The following EPM2A variants were observed in gnomAD, a reference collection of about 807,000 sequenced individuals.
EPM2A encodes laforin.
EPM2A carries 21 observed loss-of-function variants against 26.5 expected under a neutral mutation model. That is an observed-to-expected ratio of 0.79 (90% CI 0.56 to 1.14). The LOEUF (loss-of-function observed/expected upper bound fraction) is 1.14, where lower values mean the gene tolerates loss of function less well. EPM2A is among the 50% of genes most tolerant of loss of function. The pLI is 0.00. For synonymous variants in EPM2A, 217 were observed against 177.6 expected, an observed-to-expected ratio of 1.22 and a Z score of -1.76; for missense variants, 458 against 440.8, an observed-to-expected ratio of 1.04 and a Z score of -0.35.
intron 4 of EPM2A, among the ~76,000 whole-genome samples, chr6:145,466,994 G>A (rs1399043861): frequency 6.6e-6 from 1 of 152,128 alleles, no homozygotes; most frequent in East Asian, 1.9e-4. Context: ...GGACTCTTGT[G>A]GGGCGGTGGG....
chr6:145,491,239 G>A (rs1378742845), intron 4 of EPM2A: 2 of 376,438 alleles, frequency 5.3e-6, no homozygotes, highest in African/African-American at 4.2e-5. Context: ...TGCAGGGGCT[G>A]GGGCTAGCCG....
At chr6:145,486,994 C>G (rs1317312217) in intron 4 of EPM2A, among the ~76,000 whole-genome samples, 2 of 152,044 alleles carry the variant, frequency 1.3e-5, no homozygotes, top group South Asian at 2.1e-4. Flanking sequence ...TCCCTCCTCT[C>G]ACCCTCCACC....
intron 4 of EPM2A, among the ~76,000 whole-genome samples, chr6:145,470,677 G>T (rs1779462092): frequency 6.6e-6 from 1 of 152,126 alleles, no homozygotes; most frequent in African/African-American, 2.4e-5. Flanking sequence ...AGTGCAAAAA[G>T]ATTTTGAATA....
chr6:145,567,133 T>C (rs772687371), intron 2 of EPM2A, among the ~76,000 whole-genome samples: 2 of 152,196 alleles, frequency 1.3e-5, no homozygotes, highest in Non-Finnish European at 2.9e-5. Context: ...TTACACAGTA[T>C]CCCATTCATG....
chr6:145,717,953 T>G (rs1775729944), intron 1 of EPM2A, among the ~76,000 whole-genome samples: 1 of 151,376 alleles, frequency 6.6e-6, no homozygotes, highest in Admixed American at 6.6e-5. Flanking sequence ...AAACCACTGC[T>G]CAAGGAAATA....
intron 4 of EPM2A, among the ~76,000 whole-genome samples, chr6:145,437,823 C>A (rs1779008609): frequency 6.6e-6 from 1 of 152,206 alleles, no homozygotes; most frequent in African/African-American, 2.4e-5. Context: ...CAGTCCAGAT[C>A]TTGAAGGTGA....
At chr6:145,446,866 A>T (rs1779134891) in intron 4 of EPM2A, among the ~76,000 whole-genome samples, 1 of 152,038 alleles carries the variant, frequency 6.6e-6, no homozygotes, top group African/African-American at 2.4e-5. Flanking sequence ...TTGTCCTGAA[A>T]TTCTGATTAT....
chr6:145,649,189 T>C (rs1344799810), intron 2 of EPM2A, among the ~76,000 whole-genome samples: 1 of 151,984 alleles, frequency 6.6e-6, no homozygotes, highest in African/African-American at 2.4e-5. Context: ...GACATGGAGG[T>C]AGGAAGGTGG....
At chr6:145,523,187 A>G (rs1216371303) in intron 2 of EPM2A, among the ~76,000 whole-genome samples, 1 of 152,222 alleles carries the variant, frequency 6.6e-6, no homozygotes, top group Non-Finnish European at 1.5e-5. Flanking sequence ...CTGGGCACAA[A>G]ATAGGCAATC....
intron 4 of EPM2A, among the ~76,000 whole-genome samples, chr6:145,395,936 T>A (rs1030864535): frequency 1.2e-4 from 19 of 152,162 alleles, no homozygotes; most frequent in Non-Finnish European, 5.9e-5. Context: ...TAGAACTGCA[T>A]GCCCTCACTC....
At chr6:145,532,908 C>T (rs1463896101) in intron 2 of EPM2A, among the ~76,000 whole-genome samples, 1 of 152,184 alleles carries the variant, frequency 6.6e-6, no homozygotes, top group East Asian at 1.9e-4. Flanking sequence ...CTTTAGACTA[C>T]CTATCTAGTT....
At chr6:145,567,095 G>C (rs1335155387) in intron 2 of EPM2A, among the ~76,000 whole-genome samples, 1 of 152,174 alleles carries the variant, frequency 6.6e-6, no homozygotes, top group Non-Finnish European at 1.5e-5. Flanking sequence ...TAGGGAAATA[G>C]GTGCAGCAGG....
At chr6:145,711,696 C>G (rs907401112) in intron 1 of EPM2A, among the ~76,000 whole-genome samples, 1 of 152,066 alleles carries the variant, frequency 6.6e-6, no homozygotes, top group Non-Finnish European at 1.5e-5. Flanking sequence ...GATAAATATA[C>G]CTAACAGATA....
intron 2 of EPM2A, among the ~76,000 whole-genome samples, chr6:145,660,832 A>G (rs76107086): frequency 0.067 from 10,132 of 152,208 alleles, 1,136 homozygotes; most frequent in African/African-American, 0.23. Flanking sequence ...TTTTTAAAAA[A>G]TTGCTGAATG....
intron 2 of EPM2A, among the ~76,000 whole-genome samples, chr6:145,518,977 A>G (rs1327934906): frequency 2.0e-5 from 3 of 152,198 alleles, no homozygotes; most frequent in African/African-American, 4.8e-5. Context: ...GTCCAAAACC[A>G]TAGCAAAAAT....
intron 1 of EPM2A, among the ~76,000 whole-genome samples, chr6:145,687,801 G>C (rs1562490321): frequency 6.6e-6 from 1 of 152,004 alleles, no homozygotes; most frequent in Non-Finnish European, 1.5e-5. Flanking sequence ...AACCATTACT[G>C]ATCTTCCTAG....
At chr6:145,629,317 C>T (rs1003137741) in intron 3 of EPM2A, 2 of 152,252 alleles carry the variant, frequency 1.3e-5, no homozygotes, top group Non-Finnish European at 2.9e-5. Context: ...CCAAACTGAA[C>T]CATGAACTTT....
intron 2 of EPM2A, among the ~76,000 whole-genome samples, chr6:145,526,541 A>G (rs1780276230): frequency 6.6e-6 from 1 of 151,870 alleles, no homozygotes; most frequent in South Asian, 2.1e-4. Flanking sequence ...TGTTTCTGGG[A>G]ATTTGCCATT....
intron 4 of EPM2A, among the ~76,000 whole-genome samples, chr6:145,390,295 A>G (rs1386299037): frequency 6.6e-6 from 1 of 151,954 alleles, no homozygotes; most frequent in Non-Finnish European, 1.5e-5. Context: ...AAATTCACCA[A>G]TTTAAATTTT....
Sources: gnomAD v4.1 joint callset for allele counts (sites outside exome capture counted in the v4.1 genomes callset) on GRCh38, gnomAD v4.1.1 for gene constraint, MANE v1.5 for transcripts, NCBI Gene and HGNC (gene_info 2026-07-23, HGNC 2026-07-21) for gene names.